The following ITGA1 variants were observed in gnomAD, a reference collection of about 807,000 sequenced individuals.
The protein encoded by ITGA1 is integrin subunit alpha 1, also known as integrin alpha-1.
A neutral mutation model predicts 145.9 loss-of-function variants in ITGA1; 85 were observed. The ratio of observed to expected loss-of-function variants is 0.58; its 90% CI spans 0.49 to 0.70. The LOEUF is 0.70. Among genes scored for constraint, ITGA1 ranks in the 30% least tolerant of loss-of-function variants. The probability of loss-of-function intolerance (pLI) is 0.00; values close to 1 mark genes in which losing one functional copy is unlikely to be tolerated. For missense variants in ITGA1, 1,351 were observed against 1,418.7 expected, an observed-to-expected ratio of 0.95 and a Z score of 0.77; for synonymous variants, 520 against 495.3, an observed-to-expected ratio of 1.05 and a Z score of -0.66.
Position 52,862,685 on chromosome 5 carries a change from C to A in ITGA1, c.295+1126C>A, listed in dbSNP as rs1447927737. On this transcript the variant is annotated intron_variant, in intron 3 of 28. Transcript: ENST00000282588. ...ATTTAATTTTAAAAATAGAATCACA[C>A]AAGATAAATTTATATTGAAATAGAT... Among the ~76,000 whole-genome samples the A allele has an allele frequency of 7.2e-5, 11 of 152,054 alleles. No homozygotes were observed. In the East Asian group the frequency reaches 2.1e-3, roughly 29 times the overall value.
chr5:52,909,640 A>G (rs1309062061), intron 13 of ITGA1, among the ~76,000 whole-genome samples: 1 of 152,152 alleles, frequency 6.6e-6, no homozygotes, highest in African/African-American at 2.4e-5. Flanking sequence ...ATTTTAAATA[A>G]TAAATCATGT....
At chr5:52,827,963 G>C (rs1748995731) in intron 1 of ITGA1, among the ~76,000 whole-genome samples, 1 of 152,170 alleles carries the variant, frequency 6.6e-6, no homozygotes, top group African/African-American at 2.4e-5. Flanking sequence ...CAGTATCTCT[G>C]TGATGTGCCT....
chr5:52,875,752 C>G (rs186871888), intron 6 of ITGA1, among the ~76,000 whole-genome samples: 2 of 152,304 alleles, frequency 1.3e-5, no homozygotes, highest in Admixed American at 6.5e-5. Context: ...ATACCCATTT[C>G]TATTCATCAA....
chr5:52,943,732 C>T (rs541199544), intron 26 of ITGA1, among the ~76,000 whole-genome samples: 12 of 152,228 alleles, frequency 7.9e-5, no homozygotes, highest in African/African-American at 2.9e-4. Context: ...CCACGCTGGC[C>T]CACGAATCCA....
At chr5:52,869,448 A>G (rs751809045) in intron 6 of ITGA1, among the ~76,000 whole-genome samples, 8 of 152,224 alleles carry the variant, frequency 5.3e-5, no homozygotes, top group Admixed American at 6.5e-5. Flanking sequence ...GGCTTGAGCC[A>G]CTGTGCCTGG....
At chr5:52,844,114 C>A (rs920314425) in intron 1 of ITGA1, among the ~76,000 whole-genome samples, 2 of 152,104 alleles carry the variant, frequency 1.3e-5, no homozygotes, top group Non-Finnish European at 1.5e-5. Context: ...CCAGCAATTT[C>A]ATCTTTCTCT....
intron 14 of ITGA1, among the ~76,000 whole-genome samples, chr5:52,910,878 T>TGGTATGTATACTATATATAGTATATAC (rs1209547603): frequency 2.1e-5 from 3 of 140,564 alleles, no homozygotes; most frequent in African/African-American, 7.7e-5. Context: ...ATAGTATATA[T>TGGTATGTATACTATATATAGTATATAC]GGTATGTATA....
At chr5:52,807,990 AG>A (rs1416199195) in intron 1 of ITGA1, among the ~76,000 whole-genome samples, 3 of 152,216 alleles carry the variant, frequency 2.0e-5, no homozygotes, top group Admixed American at 1.3e-4. Flanking sequence ...TATCAGCAGG[AG>A]ATGACCACAA....
intron 12 of ITGA1, 40 bp from the exon 13 acceptor site, chr5:52,908,858 T>C (rs919394750): frequency 3.7e-6 from 6 of 1,603,588 alleles, no homozygotes; most frequent in South Asian, 1.1e-5. Flanking sequence ...TGAGAATTTC[T>C]GTTGTTCATT....
At chr5:52,848,913 T>C (rs979615809) in intron 1 of ITGA1, among the ~76,000 whole-genome samples, 15 of 152,198 alleles carry the variant, frequency 9.9e-5, no homozygotes, top group Non-Finnish European at 2.1e-4. Context: ...GAACTCATCC[T>C]TTTTTATGGC....
chr5:52,888,947 C>T (rs544314263), intron 8 of ITGA1, among the ~76,000 whole-genome samples: 89 of 152,270 alleles, frequency 5.8e-4, no homozygotes, highest in Non-Finnish European at 4.1e-4. Flanking sequence ...AGGATGAGGG[C>T]TTTACTGAAG....
intron 7 of ITGA1, among the ~76,000 whole-genome samples, chr5:52,886,784 T>C (rs1228748139): frequency 6.6e-6 from 1 of 152,168 alleles, no homozygotes; most frequent in Admixed American, 6.5e-5. Context: ...TTGTTTTGTT[T>C]TGTTTTTGAG....
chr5:52,789,194 G>C (rs1245167663), intron 1 of ITGA1, among the ~76,000 whole-genome samples: 10 of 152,056 alleles, frequency 6.6e-5, no homozygotes, highest in Admixed American at 2.6e-4. Context: ...CTCATGGTCA[G>C]ATCTTTTTTA....
chr5:52,927,185 C>T (rs970032552), intron 19 of ITGA1, among the ~76,000 whole-genome samples: 1 of 152,124 alleles, frequency 6.6e-6, no homozygotes, highest in African/African-American at 2.4e-5. Flanking sequence ...TTCTGGTGGT[C>T]ACGGGTCAGA....
chr5:52,897,133 T>G (rs181565491), intron 9 of ITGA1, among the ~76,000 whole-genome samples: 1 of 152,214 alleles, frequency 6.6e-6, no homozygotes, highest in Non-Finnish European at 1.5e-5. Flanking sequence ...TACATCCAAC[T>G]TGAGCCTTGT....
intron 26 of ITGA1, among the ~76,000 whole-genome samples, chr5:52,944,066 G>A (rs1275734993): frequency 1.3e-5 from 2 of 152,166 alleles, no homozygotes; most frequent in Non-Finnish European, 2.9e-5. Context: ...CCAGTCCCAT[G>A]GGGAATGCCT....
At chr5:52,875,000 C>T (rs1283098526) in intron 6 of ITGA1, among the ~76,000 whole-genome samples, 1 of 152,060 alleles carries the variant, frequency 6.6e-6, no homozygotes, top group African/African-American at 2.4e-5. Context: ...AATTAGTAAT[C>T]CACAATGCAT....
At chr5:52,920,287 C>T (rs1750711585) in intron 16 of ITGA1, 45 bp from the exon 17 acceptor site, 4 of 1,453,740 alleles carry the variant, frequency 2.8e-6, no homozygotes, top group South Asian at 2.6e-5. Flanking sequence ...ATGAGAATCA[C>T]TTCAAATAAA....
intron 18 of ITGA1, among the ~76,000 whole-genome samples, chr5:52,925,054 T>C (rs1422692259): frequency 6.6e-6 from 1 of 152,222 alleles, no homozygotes; most frequent in African/African-American, 2.4e-5. Context: ...TTGTGCGTTC[T>C]TAAAAGGACA....
Sources: allele counts gnomAD v4.1 joint callset (sites outside exome capture counted in the v4.1 genomes callset), GRCh38; gene constraint gnomAD v4.1.1; transcripts MANE v1.5; gene names NCBI Gene and HGNC (gene_info 2026-07-23, HGNC 2026-07-21).